Variants in POMT2 observed in about 807,000 individuals in gnomAD.
POMT2 encodes the protein protein O-mannosyl-transferase 2.
In POMT2, 75 loss-of-function variants were observed where a neutral mutation model predicts 100.0. The observed-to-expected ratio is 0.75, with a 90% CI of 0.62 to 0.91. The LOEUF (loss-of-function observed/expected upper bound fraction) is 0.91, where lower values mean the gene tolerates loss of function less well. Among genes scored for constraint, POMT2 ranks in the 40% least tolerant of loss-of-function variants. POMT2 has a pLI of 0.00. For synonymous variants in POMT2, 378 were observed against 374.1 expected (o/e 1.01, Z -0.12); for missense variants, 940 against 955.1 (o/e 0.98, Z 0.21).
At position 77,277,273 on chromosome 14, in the gene POMT2, G is replaced by A. The variant is rs886050825; in HGVS notation, c.*103C>T. ...GTCCTGGTGAGCAGCAGAATTCTTC[G>A]GGCTCCTTAGGCAGCTTCCTCATGG... On this transcript the variant is annotated 3_prime_UTR_variant, in exon 21 of 21. Coordinates refer to ENST00000261534, the MANE Select transcript of POMT2 (RefSeq NM_013382.7). 4 of 982,204 alleles carry A rather than the reference G, an allele frequency of 4.1e-6. No individual in the cohort carries two copies. Among genetic ancestry groups the A allele is most frequent in the Middle Eastern group, 2.9e-4 (1 of 3,444 alleles). The allele number at this position is 982,204 out of a possible 1,614,324, so 60.8% of individuals were successfully genotyped here.
intron 2 of POMT2, chr14:77,308,736 G>A (rs1192635882): frequency 2.2e-6 from 1 of 454,358 alleles, no homozygotes; most frequent in Non-Finnish European, 4.4e-6. Flanking sequence ...GTTGGTGGGA[G>A]TATATATGAT....
rs149680753 is a variant in POMT2 at position 77,295,897 on chromosome 14, C to T, written c.1116+267G>A. Among the ~76,000 whole-genome samples, 940 of 152,098 alleles carry T rather than the reference C, an allele frequency of 6.2e-3. 10 individuals carry two copies. The highest frequency in any genetic ancestry group is 0.021 in the African/African-American group (892 of 41,498). On this transcript the variant is annotated intron_variant, in intron 9 of 20. Coordinates refer to ENST00000261534, the MANE Select transcript of POMT2 (RefSeq NM_013382.7). The stretch of plus-strand genomic sequence containing the variant: ...CAGTTCAATATGAGAAGGTTTACCA[C>T]GTAGGCATGTGGAAGGTGCCACCAA...
intron 19 of POMT2, 39 bp from the exon 20 acceptor site, chr14:77,278,547 G>T (rs1021058896): frequency 6.9e-6 from 10 of 1,444,354 alleles, no homozygotes; most frequent in Non-Finnish European, 9.5e-6. Context: ...AGCCAGGCAG[G>T]GGGTGACTTC....
intron 18 of POMT2, 179 bp downstream of exon 18, chr14:77,279,644 A>G (rs1278492096): frequency 1.4e-6 from 1 of 714,892 alleles, no homozygotes; most frequent in East Asian, 2.7e-5. Context: ...GGGAGGAAGT[A>G]AAGTGTTTAA....
chr14:77,280,364 T>C, intron 16 of POMT2, 28 bp downstream of exon 16: 3 of 1,607,222 alleles, frequency 1.9e-6, no homozygotes, highest in Non-Finnish European at 2.6e-6. Flanking sequence ...CTCCATTTCC[T>C]GGGAGGAGCC....
At chr14:77,301,051 G>C (rs1431340291) in intron 6 of POMT2, 39 bp downstream of exon 6, 1 of 1,613,152 alleles carries the variant, frequency 6.2e-7, no homozygotes, top group Non-Finnish European at 8.5e-7. Flanking sequence ...CAACATCAGG[G>C]AGCAAAAACA....
intron 9 of POMT2, among the ~76,000 whole-genome samples, chr14:77,292,909 C>T (rs376454518): frequency 7.1e-4 from 108 of 152,284 alleles, no homozygotes; most frequent in African/African-American, 2.5e-3. Flanking sequence ...TGTGTAAGTA[C>T]ATACTATGAT....
In POMT2 at chr14:77,288,808, C is replaced by A; in HGVS notation, c.1207G>T (p.Val403Leu). The change falls in exon 11 of 21, where the codon GTG (valine) becomes TTG (leucine). Residue 403 changes from valine to leucine, a missense_variant. Coordinates refer to ENST00000261534, the MANE Select transcript of POMT2 (RefSeq NM_013382.7). ...NSDPLDPSFP[V>L]EFVRHGDIIR... The stretch of plus-strand genomic sequence containing the variant: ...ATGTCTCCATGTCTTACAAACTCCA[C>A]TGGGAAGGAAGGGTCTAGGGGATCT... 6.2e-7 allele frequency: 1 copy of A among 1,613,896 alleles called. No individual in the cohort carries two copies. The highest frequency in any genetic ancestry group is 1.1e-5 in the South Asian group (1 of 91,082).
At chr14:77,298,354 G>A (rs189024053) in intron 8 of POMT2, among the ~76,000 whole-genome samples, 24 of 152,350 alleles carry the variant, frequency 1.6e-4, no homozygotes. Context: ...ATGAACGAAT[G>A]CAACACTCAG....
intron 2 of POMT2, among the ~76,000 whole-genome samples, chr14:77,311,026 G>T (rs541876287): frequency 6.6e-6 from 1 of 152,204 alleles, no homozygotes; most frequent in Non-Finnish European, 1.5e-5. Flanking sequence ...CCAGCTACTT[G>T]GGAGGCTGAA....
At chr14:77,320,227 G>C (rs1891807113) in intron 1 of POMT2, 1 of 788,738 alleles carries the variant, frequency 1.3e-6, no homozygotes, top group African/African-American at 1.7e-5. Context: ...CAGATACTAA[G>C]AATCCCACTG....
chr14:77,302,814 C>T, intron 5 of POMT2, 21 bp downstream of exon 5: 1 of 1,586,968 alleles, frequency 6.3e-7, no homozygotes, highest in Non-Finnish European at 8.6e-7. Context: ...ACCCTCCCCT[C>T]CCGGGGATGG....
At chr14:77,291,212 G>T in intron 10 of POMT2, 102 bp downstream of exon 10, 1 of 1,146,094 alleles carries the variant, frequency 8.7e-7, no homozygotes, top group Non-Finnish European at 1.3e-6. Context: ...AAGATGCTCA[G>T]CAAAGCCCAT....
At chr14:77,284,173 T>C in intron 14 of POMT2, 1 of 415,392 alleles carries the variant, frequency 2.4e-6, no homozygotes, top group South Asian at 2.1e-5. Context: ...TGCTCTCCTA[T>C]TAGGCATAAG....
intron 15 of POMT2, among the ~76,000 whole-genome samples, chr14:77,281,284 C>A (rs181318543): frequency 6.6e-6 from 1 of 152,204 alleles, no homozygotes; most frequent in Non-Finnish European, 1.5e-5. Context: ...CTACCAGGAG[C>A]CTTTGTAGAC....
At chr14:77,306,261 G>T in intron 3 of POMT2, 76 bp downstream of exon 3, 1 of 1,593,790 alleles carries the variant, frequency 6.3e-7, no homozygotes, top group East Asian at 2.3e-5. Flanking sequence ...ACCACGCCAG[G>T]GCTGCTAACT....
At chr14:77,314,110 C>T (rs1252212624) in intron 1 of POMT2, among the ~76,000 whole-genome samples, 1 of 152,170 alleles carries the variant, frequency 6.6e-6, no homozygotes, top group Non-Finnish European at 1.5e-5. Flanking sequence ...AGACAGTCCT[C>T]CGTGGCTCTC....
At chr14:77,311,373 A>C (rs886703266) in intron 2 of POMT2, among the ~76,000 whole-genome samples, 2 of 152,178 alleles carry the variant, frequency 1.3e-5, no homozygotes, top group East Asian at 3.8e-4. Context: ...CACCATTTTA[A>C]AGTGTGCAAT....
At chr14:77,302,801 C>A in intron 5 of POMT2, 34 bp downstream of exon 5, 1 of 1,571,648 alleles carries the variant, frequency 6.4e-7, no homozygotes, top group Non-Finnish European at 8.7e-7. Flanking sequence ...GCCACAGCTT[C>A]CAACCCTCCC....
Sources: gnomAD v4.1 joint callset for allele counts (sites outside exome capture counted in the v4.1 genomes callset) on GRCh38, gnomAD v4.1.1 for gene constraint, MANE v1.5 for transcripts, NCBI Gene and HGNC (gene_info 2026-07-23, HGNC 2026-07-21) for gene names.